The following AGMO variants were observed in gnomAD, a reference collection of about 807,000 sequenced individuals.
The protein encoded by AGMO is alkylglycerol monooxygenase, also known as glyceryl-ether monooxygenase.
Under a neutral mutation model 60.2 loss-of-function variants are expected in AGMO, and 75 were observed. That is an observed-to-expected ratio of 1.25 (90% CI 1.03 to 1.51). AGMO has a LOEUF of 1.51. Ranked by LOEUF, AGMO falls within the 40% of genes most tolerant of loss-of-function variation. The pLI is 0.00. For synonymous variants in AGMO, 261 were observed against 177.1 expected, an observed-to-expected ratio of 1.47 and a Z score of -3.76; for missense variants, 763 against 525.5, an observed-to-expected ratio of 1.45 and a Z score of -4.42.
chr7:15,187,873 C>A, the AGMO span, among the ~76,000 whole-genome samples: 3 of 136,678 alleles, frequency 2.2e-5, no homozygotes, highest in Non-Finnish European at 4.7e-5. Flanking sequence ...TAGGATCTCT[C>A]GGGTAAATTC....
intron 3 of AGMO, among the ~76,000 whole-genome samples, chr7:15,435,322 T>C (rs1260360456): frequency 6.6e-6 from 1 of 152,040 alleles, no homozygotes; most frequent in Non-Finnish European, 1.5e-5. Context: ...GCCTTTTTTT[T>C]TTTTTATTAG....
chr7:15,420,775 G>T (rs1032522451), intron 4 of AGMO, among the ~76,000 whole-genome samples: 2 of 148,042 alleles, frequency 1.4e-5, no homozygotes, highest in Non-Finnish European at 2.9e-5. Context: ...TAACTTGGTA[G>T]CTGGATTAGG....
At chr7:15,394,933 T>C (rs1384061532) in intron 5 of AGMO, among the ~76,000 whole-genome samples, 1 of 152,182 alleles carries the variant, frequency 6.6e-6, no homozygotes, top group Non-Finnish European at 1.5e-5. Flanking sequence ...ATTCTCACAT[T>C]TCTTAGATTC....
intron 3 of AGMO, among the ~76,000 whole-genome samples, chr7:15,453,543 A>G (rs1344393984): frequency 3.3e-5 from 5 of 152,246 alleles, no homozygotes; most frequent in Admixed American, 6.5e-5. Flanking sequence ...TCATTCTAAC[A>G]CAGAGCTAGA....
chr7:15,492,860 C>T (rs1297980319), intron 3 of AGMO, among the ~76,000 whole-genome samples: 1 of 152,206 alleles, frequency 6.6e-6, no homozygotes, highest in South Asian at 2.1e-4. Flanking sequence ...TTTGGTCGCG[C>T]GTTGGGTTAT....
At chr7:15,542,616 A>C (rs1784660590) in intron 3 of AGMO, among the ~76,000 whole-genome samples, 1 of 152,212 alleles carries the variant, frequency 6.6e-6, no homozygotes, top group African/African-American at 2.4e-5. Flanking sequence ...GTACAATATA[A>C]ATGCCTTCTG....
intron 5 of AGMO, among the ~76,000 whole-genome samples, chr7:15,394,776 G>A (rs896096534): frequency 1.3e-5 from 2 of 152,134 alleles, no homozygotes; most frequent in East Asian, 1.9e-4. Flanking sequence ...CGGCATTAGG[G>A]TGATCCTACT....
At chr7:15,525,660 C>A (rs1784109987) in intron 3 of AGMO, among the ~76,000 whole-genome samples, 2 of 152,098 alleles carry the variant, frequency 1.3e-5, no homozygotes, top group South Asian at 4.1e-4. Flanking sequence ...AATGCAGGTA[C>A]AAAGAAGACG....
chr7:15,540,343 C>G (rs981767199), intron 3 of AGMO, among the ~76,000 whole-genome samples: 7 of 152,094 alleles, frequency 4.6e-5, no homozygotes, highest in East Asian at 3.9e-4. Flanking sequence ...GGTGTGGCCC[C>G]CTGAATGGCA....
intron 12 of AGMO, among the ~76,000 whole-genome samples, chr7:15,279,897 G>C (rs1783912703): frequency 6.6e-6 from 1 of 152,214 alleles, no homozygotes; most frequent in Non-Finnish European, 1.5e-5. Context: ...GGAGAGCCTT[G>C]TGTGCATTTT....
intron 10 of AGMO, among the ~76,000 whole-genome samples, chr7:15,368,823 G>A (rs1246479756): frequency 6.6e-6 from 1 of 152,034 alleles, no homozygotes; most frequent in African/African-American, 2.4e-5. Flanking sequence ...ATGATCCCTG[G>A]ACAATACAAA....
chr7:15,546,401 C>T lies in AGMO; in HGVS notation c.258-1478G>A, dbSNP rs144647997. On this transcript the variant is annotated intron_variant, in intron 2 of 12. Coordinates refer to ENST00000342526, the MANE Select transcript of AGMO (RefSeq NM_001004320.2). ...AAGTCCTTGACCCAAAGGACTCATC[C>T]TGTACCCATACCACATTGCCAATCT... 9.1e-3 allele frequency among the ~76,000 whole-genome samples: 1,386 copies of T among 152,310 alleles called. 11 individuals are homozygous for T. Among genetic ancestry groups the T allele is most frequent in the Middle Eastern group, 0.014 (4 of 294 alleles).
Position 15,340,997 on chromosome 7 carries a change from C to T in AGMO, c.1263+24517G>A, listed in dbSNP as rs1781829110. 3.9e-5 allele frequency among the ~76,000 whole-genome samples: 6 copies of T among 152,206 alleles called. No homozygotes were observed. In the South Asian group the frequency reaches 1.2e-3, roughly 32 times the overall value. ...AGGAGGGGTGCTGTACCCTGTAAAA[C>T]CAAAGGGGTGGAGCTGCCCAAGACC... On this transcript the variant is annotated intron_variant, in intron 12 of 12. Coordinates refer to ENST00000342526, the MANE Select transcript of AGMO (RefSeq NM_001004320.2).
rs186974340 is a variant in AGMO, at chr7:15,338,191, A to C, written c.1263+27323T>G. 7.2e-5 allele frequency among the ~76,000 whole-genome samples: 11 copies of C among 152,338 alleles called. No homozygotes were observed. In the East Asian group the frequency reaches 1.9e-3, roughly 27 times the overall value. On this transcript the variant is annotated intron_variant, in intron 12 of 12. Transcript: ENST00000342526. Reference sequence around the variant, plus strand: ...AAGTAAGGTGGAATTCAGATAAAATAAATCATTTTAAAATATACAACTCAG... The same window carrying C: ...AAGTAAGGTGGAATTCAGATAAAATCAATCATTTTAAAATATACAACTCAG...
chr7:15,382,449 G>C (rs796193602), intron 10 of AGMO, among the ~76,000 whole-genome samples: 1 of 152,118 alleles, frequency 6.6e-6, no homozygotes, highest in East Asian at 1.9e-4. Context: ...TTAGTTATGG[G>C]TTTAGTGTGG....
the AGMO span, among the ~76,000 whole-genome samples, chr7:15,138,160 A>G: frequency 6.6e-6 from 1 of 152,168 alleles, no homozygotes; most frequent in Non-Finnish European, 1.5e-5. Flanking sequence ...TCCTCTTTTT[A>G]GTACATCTAT....
intron 12 of AGMO, among the ~76,000 whole-genome samples, chr7:15,300,997 A>T (rs1411861402): frequency 6.6e-6 from 1 of 152,098 alleles, no homozygotes; most frequent in Non-Finnish European, 1.5e-5. Flanking sequence ...ATATACACAG[A>T]GGAACTTTCT....
At chr7:15,192,607 G>A in the AGMO span, among the ~76,000 whole-genome samples, 40 of 152,224 alleles carry the variant, frequency 2.6e-4, no homozygotes, top group African/African-American at 6.3e-4. Flanking sequence ...TACCAAGAGC[G>A]CAGGGTGTAA....
chr7:15,395,733 C>G (rs924594818), intron 5 of AGMO, among the ~76,000 whole-genome samples: 17 of 152,168 alleles, frequency 1.1e-4, no homozygotes, highest in Non-Finnish European at 2.1e-4. Flanking sequence ...AAAATTTAAA[C>G]TGCTAGTAAT....
Sources: allele counts gnomAD v4.1 joint callset (sites outside exome capture counted in the v4.1 genomes callset), GRCh38; gene constraint gnomAD v4.1.1; transcripts MANE v1.5; gene names NCBI Gene and HGNC (gene_info 2026-07-23, HGNC 2026-07-21).